Variants in SH2D6 observed in about 807,000 individuals in gnomAD.
SH2D6 encodes SH2 domain containing 6.
Under a neutral mutation model 30.2 loss-of-function variants are expected in SH2D6, and 31 were observed. That is an observed-to-expected ratio of 1.03 (90% CI 0.77 to 1.38). SH2D6 has a LOEUF of 1.38. Among genes scored for constraint, SH2D6 ranks in the 40% most tolerant of loss-of-function variants. The pLI, the probability that SH2D6 is intolerant of heterozygous loss-of-function variation, is 0.00. For missense variants in SH2D6, 240 were observed against 266.8 expected, an observed-to-expected ratio of 0.90 and a Z score of 0.70; for synonymous variants, 93 against 104.6, an observed-to-expected ratio of 0.89 and a Z score of 0.68.
At position 85,430,204 on chromosome 2, in the gene SH2D6, G is replaced by C. The variant is rs1558757187; in HGVS notation, c.65-160G>C. ...GGACAGGGGATGGGCATAGGTGGAA[G>C]GGCCCCTTGTTTCCAGACTGCCTAC... On this transcript the variant is annotated intron_variant, in intron 10 of 23. Coordinates refer to ENST00000469800, the MANE Select transcript of SH2D6 (RefSeq NM_001394463.1). The surrounding 1 kb of genome is among the most constrained non-coding windows in gnomAD (Gnocchi z 4.3). 1.3e-5 allele frequency among the ~76,000 whole-genome samples: 2 copies of C among 152,212 alleles called. No individual in the cohort carries two copies. Among genetic ancestry groups the C allele is most frequent in the African/African-American group, 4.8e-5 (2 of 41,448 alleles).
At chr2:85,432,520 C>T (rs559187236) in intron 14 of SH2D6, among the ~76,000 whole-genome samples, 137 of 151,928 alleles carry the variant, frequency 9.0e-4, no homozygotes, top group Non-Finnish European at 1.5e-3. Flanking sequence ...CCTGCCTCAG[C>T]CTCCCGAGTA....
intron 5 of SH2D6, among the ~76,000 whole-genome samples, chr2:85,423,433 A>G (rs1687825578): frequency 1.3e-5 from 2 of 151,908 alleles, no homozygotes; most frequent in Admixed American, 6.6e-5. Flanking sequence ...GGGTTTTACC[A>G]TGTTGGCCAG....
Position 85,433,199 on chromosome 2 carries a change from G to C in SH2D6, c.393+78G>C, listed in dbSNP as rs1229790984. On this transcript the variant is annotated intron_variant, in intron 15 of 23. Coordinates refer to ENST00000469800, the MANE Select transcript of SH2D6 (RefSeq NM_001394463.1). ...TGGCAGGGGTGGGGTGGGGCCTAGGGAGGGCCAGGAAATATCCCTGAAACC... is the reference window on the plus strand; with the variant it reads ...TGGCAGGGGTGGGGTGGGGCCTAGGCAGGGCCAGGAAATATCCCTGAAACC... 6.7e-6 allele frequency: 6 copies of C among 897,450 alleles called. No individual in the cohort carries two copies. The African/African-American group carries it at 1.1e-4, about 16-fold the overall frequency. 55.6% of individuals were successfully genotyped at this position (897,450 alleles called of 1,614,324 possible).
chr2:85,428,277 G>C (rs1688236806), intron 6 of SH2D6, among the ~76,000 whole-genome samples: 1 of 152,180 alleles, frequency 6.6e-6, no homozygotes, highest in Non-Finnish European at 1.5e-5. Context: ...GTGAGGTACA[G>C]GTTGCTTAGC....
At position 85,430,983 on chromosome 2, in the gene SH2D6, CCG is replaced by C. The variant is rs1418477018; in HGVS notation, c.251-226_251-225del. On this transcript the variant is annotated intron_variant, in intron 12 of 23. Transcript: ENST00000469800. The surrounding 1 kb of genome is among the most constrained non-coding windows in gnomAD (Gnocchi z 4.3). ...CAAGGGCGGGGGTGCTGGGAGAGCC[CCG>C]GCTGCCGCTGGCATCCCACCCCCAC... is the stretch of plus-strand genomic sequence containing the variant. Among the ~76,000 whole-genome samples the C allele has an allele frequency of 1.3e-5, 2 of 151,804 alleles. No individual in the cohort carries two copies. Among genetic ancestry groups the C allele is most frequent in the East Asian group, 3.9e-4 (2 of 5,172 alleles).
At position 85,430,816 on chromosome 2, in the gene SH2D6, G is replaced by C. The variant is rs1688523541; in HGVS notation, c.250+164G>C. On this transcript the variant is annotated intron_variant, in intron 12 of 23. Coordinates refer to ENST00000469800, the MANE Select transcript of SH2D6 (RefSeq NM_001394463.1). The surrounding 1 kb of genome is among the most constrained non-coding windows in gnomAD (Gnocchi z 4.3). ...CACCAGGGCCTCTTGGCTGGGCAGG[G>C]AGAGAGAGAGGGATGAAGGAACGGA... 7.2e-6 allele frequency among the ~76,000 whole-genome samples: 1 copy of C among 139,694 alleles called. No homozygotes were observed. Among genetic ancestry groups the C allele is most frequent in the Non-Finnish European group, 1.6e-5 (1 of 64,052 alleles). The allele number at this position is 139,694 out of a possible 152,430, so 91.6% of individuals were successfully genotyped here. A position where few individuals can be genotyped will look rare whatever the true frequency, so the allele number is the denominator to read the frequency against.
chr2:85,423,198 T>TTG (rs1558745088), intron 5 of SH2D6, among the ~76,000 whole-genome samples: 26 of 151,996 alleles, frequency 1.7e-4, no homozygotes, highest in East Asian at 9.7e-4. Context: ...TGTTTTTTTT[T>TTG]TTGTTGTTGT....
intron 19 of SH2D6, 99 bp from the exon 20 acceptor site, chr2:85,434,966 C>T: frequency 6.3e-7 from 1 of 1,588,308 alleles, no homozygotes; most frequent in South Asian, 1.1e-5. Context: ...ATGTACGCCT[C>T]CTCCTACCCC....
rs540282884 is a variant in SH2D6 at position 85,420,558 on chromosome 2, G to A, written c.-577+1314G>A. Among the ~76,000 whole-genome samples the A allele has an allele frequency of 2.5e-3, 385 of 152,360 alleles. 4 individuals are homozygous for A. The highest frequency in any genetic ancestry group is 2.6e-3 in the Non-Finnish European group (174 of 68,026). On this transcript the variant is annotated intron_variant, in intron 2 of 23. Coordinates refer to ENST00000469800, the MANE Select transcript of SH2D6 (RefSeq NM_001394463.1). Reference sequence around the variant, plus strand: ...CAAAAGCTGTTGAATGCCCATTCCTGCTCCCTGAAGATCCAACCAGCAATC... The same window carrying A: ...CAAAAGCTGTTGAATGCCCATTCCTACTCCCTGAAGATCCAACCAGCAATC...
In SH2D6 at chr2:85,436,454, C is replaced by T. The variant is rs571930900; in HGVS notation, c.892-12C>T. Reference sequence around the variant, plus strand: ...CTCATGGGACTCACGGATGCCCTGCCTCCCTGGCCAGCTCTTCTCCTCCGT... The same window carrying T: ...CTCATGGGACTCACGGATGCCCTGCTTCCCTGGCCAGCTCTTCTCCTCCGT... On this transcript the variant is annotated splice_polypyrimidine_tract_variant and intron_variant, in intron 22 of 23. Transcript: ENST00000469800. 2.5e-6 allele frequency: 4 copies of T among 1,609,382 alleles called. No homozygotes were observed. The highest frequency in any genetic ancestry group is 1.7e-5 in the Admixed American group (1 of 59,996).
intron 13 of SH2D6, 25 bp downstream of exon 13, chr2:85,431,293 T>C (rs1558758867): frequency 1.3e-5 from 2 of 152,524 alleles, no homozygotes; most frequent in Admixed American, 6.5e-5. Context: ...CAGAAGTCCC[T>C]CCTTCCCCAC....
intron 19 of SH2D6, 122 bp downstream of exon 19, chr2:85,434,619 A>AT (rs1343915719): frequency 2.2e-6 from 2 of 904,950 alleles, no homozygotes; most frequent in Non-Finnish European, 3.0e-6. Context: ...ACTAGACTTA[A>AT]AAAAAAAAAA....
rs1372129715 is a variant in SH2D6, at chr2:85,430,800, C to T, written c.250+148C>T. 1.5e-5 allele frequency: 2 copies of T among 136,826 alleles called. No individual in the cohort carries two copies. Among genetic ancestry groups the T allele is most frequent in the Non-Finnish European group, 1.6e-5 (1 of 64,028 alleles). 8.5% of individuals were successfully genotyped at this position (136,826 alleles called of 1,614,324 possible). A position where few individuals can be genotyped will look rare whatever the true frequency, so the allele number is the denominator to read the frequency against. ...GGCCTCAGCTGGCAGTCACCAGGGC[C>T]TCTTGGCTGGGCAGGGAGAGAGAGA... On this transcript the variant is annotated intron_variant, in intron 12 of 23. Coordinates refer to ENST00000469800, the MANE Select transcript of SH2D6 (RefSeq NM_001394463.1). This position sits in a 1 kb window ranked among gnomAD's most constrained non-coding sequence, Gnocchi z 4.3.
At chr2:85,431,116 G>C (rs2104914571) in intron 12 of SH2D6, 94 bp from the exon 13 acceptor site, 1 of 148,656 alleles carries the variant, frequency 6.7e-6, no homozygotes, top group Non-Finnish European at 1.5e-5. Context: ...AGGAAAGGAG[G>C]AGGAAATGGA....
chr2:85,419,428 A>G (rs1017119544), intron 2 of SH2D6, among the ~76,000 whole-genome samples, 184 bp downstream of exon 2: 2 of 152,228 alleles, frequency 1.3e-5, no homozygotes, highest in East Asian at 3.8e-4. Context: ...AGTGCAAGCC[A>G]GGAACTCAGG....
rs546221706 is a variant in SH2D6, at chr2:85,422,305, G to A, written c.-474G>A. The A allele has an allele frequency of 4.2e-4, 64 of 152,048 alleles. No individual in the cohort carries two copies. Among genetic ancestry groups the A allele is most frequent in the African/African-American group, 1.5e-3 (62 of 41,448 alleles). 9.4% of individuals were successfully genotyped at this position (152,048 alleles called of 1,614,324 possible). ...GAGCCCAGAAGTTCAAGACCAGCCT[G>A]GACAACATAGTGAGACCCCATATCT... On this transcript the variant is annotated 5_prime_UTR_variant, in exon 3 of 24. Transcript: ENST00000469800.
intron 2 of SH2D6, chr2:85,421,252 G>C (rs974495182): frequency 6.6e-6 from 1 of 152,456 alleles, no homozygotes; most frequent in South Asian, 2.1e-4. Flanking sequence ...GTGGGGTGGG[G>C]AAGGTCGGCC....
At chr2:85,420,400 A>G (rs1380701041) in intron 2 of SH2D6, among the ~76,000 whole-genome samples, 1 of 152,194 alleles carries the variant, frequency 6.6e-6, no homozygotes, top group Non-Finnish European at 1.5e-5. Flanking sequence ...GATTACAGGC[A>G]TGAGCCACCG....
intron 6 of SH2D6, among the ~76,000 whole-genome samples, chr2:85,427,141 G>A (rs1229633035): frequency 6.6e-6 from 1 of 152,200 alleles, no homozygotes; most frequent in Non-Finnish European, 1.5e-5. Flanking sequence ...AGACTACCTT[G>A]GGCCCATGGC....
Sources: gnomAD v4.1 joint callset for allele counts (sites outside exome capture counted in the v4.1 genomes callset) on GRCh38, gnomAD v4.1.1 for gene constraint, Gnocchi (gnomAD v3.1) non-coding constraint, MANE v1.5 for transcripts, NCBI Gene and HGNC (gene_info 2026-07-23, HGNC 2026-07-21) for gene names.